The following EXOC4 variants were observed in gnomAD, a reference collection of about 807,000 sequenced individuals.
EXOC4 encodes exocyst complex component 4.
In EXOC4, 71 loss-of-function variants were observed where a neutral mutation model predicts 107.2. The ratio of observed to expected loss-of-function variants is 0.66; its 90% CI spans 0.55 to 0.81. EXOC4 has a LOEUF of 0.81. EXOC4 is among the 30% of genes least tolerant of loss of function. The pLI, the probability that EXOC4 is intolerant of heterozygous loss-of-function variation, is 0.00. For missense variants in EXOC4, 1,108 were observed against 1,189.6 expected (o/e 0.93, Z 1.01); for synonymous variants, 456 against 441.2 (o/e 1.03, Z -0.42).
rs188299886 is a variant in EXOC4, at chr7:133,315,361, G to A, written c.657-1923G>A. 705 of 152,334 alleles carry A rather than the reference G, an allele frequency of 4.6e-3. 14 individuals are homozygous for A. The highest frequency in any genetic ancestry group is 3.4e-3 in the Non-Finnish European group (233 of 68,064). 9.4% of individuals were successfully genotyped at this position (152,334 alleles called of 1,614,324 possible). A position where few individuals can be genotyped will look rare whatever the true frequency, so the allele number is the denominator to read the frequency against. Reference sequence around the variant, plus strand: ...GAACCAGGTGTTTGCCTCTCTTTTCGGTATTGTCGATGCTCTGGAAAGCAG... The same window carrying A: ...GAACCAGGTGTTTGCCTCTCTTTTCAGTATTGTCGATGCTCTGGAAAGCAG... On this transcript the variant is annotated intron_variant, in intron 4 of 17. Transcript: ENST00000253861.
intron 10 of EXOC4, among the ~76,000 whole-genome samples, chr7:133,812,232 C>G (rs1048752676): frequency 6.6e-6 from 1 of 152,188 alleles, no homozygotes. Context: ...ATTCTAAAAA[C>G]CGCAGCAGCA....
intron 13 of EXOC4, among the ~76,000 whole-genome samples, chr7:133,918,370 C>T (rs1799858704): frequency 6.6e-6 from 1 of 152,130 alleles, no homozygotes. Flanking sequence ...TGTTTGTAGC[C>T]CCCATATGGG....
At chr7:133,994,341 T>C (rs1204249446) in intron 14 of EXOC4, among the ~76,000 whole-genome samples, 1 of 152,112 alleles carries the variant, frequency 6.6e-6, no homozygotes, top group Non-Finnish European at 1.5e-5. Flanking sequence ...ATATGCACCA[T>C]GCCTATCGGG....
At chr7:133,411,498 G>T (rs1344532013) in intron 7 of EXOC4, among the ~76,000 whole-genome samples, 1 of 152,042 alleles carries the variant, frequency 6.6e-6, no homozygotes. Context: ...TAGAAATATT[G>T]TTAGTCATTT....
intron 3 of EXOC4, among the ~76,000 whole-genome samples, chr7:133,302,457 A>G (rs923155085): frequency 2.0e-5 from 3 of 152,226 alleles, no homozygotes; most frequent in Non-Finnish European, 2.9e-5. Context: ...GTCTATATAT[A>G]TGAAGAATTC....
chr7:133,640,006 T>G (rs1802813435), intron 10 of EXOC4, among the ~76,000 whole-genome samples: 1 of 152,180 alleles, frequency 6.6e-6, no homozygotes, highest in Admixed American at 6.5e-5. Context: ...TTTAAAAATC[T>G]TTTAAAATTT....
intron 7 of EXOC4, among the ~76,000 whole-genome samples, chr7:133,391,497 A>T (rs1195808917): frequency 6.6e-6 from 1 of 152,190 alleles, no homozygotes; most frequent in Non-Finnish European, 1.5e-5. Context: ...AGTGTAGGAC[A>T]CGTGCGTACT....
intron 9 of EXOC4, among the ~76,000 whole-genome samples, chr7:133,558,002 A>G (rs1800727426): frequency 1.3e-5 from 2 of 152,142 alleles, no homozygotes; most frequent in African/African-American, 2.4e-5. Context: ...AACAAAAACA[A>G]AAAACCCCAG....
intron 12 of EXOC4, among the ~76,000 whole-genome samples, chr7:133,897,476 A>G (rs1220680954): frequency 6.6e-6 from 1 of 152,174 alleles, no homozygotes; most frequent in African/African-American, 2.4e-5. Context: ...TTTAATTTAT[A>G]CAGATAGTCT....
intron 9 of EXOC4, among the ~76,000 whole-genome samples, chr7:133,503,558 A>G (rs1329161638): frequency 2.0e-5 from 3 of 152,140 alleles, no homozygotes; most frequent in Admixed American, 6.6e-5. Context: ...CTTGGGGAAA[A>G]AGGAAGAAAA....
chr7:134,048,961 A>AAC (rs71172424), intron 17 of EXOC4, among the ~76,000 whole-genome samples: 114,843 of 151,954 alleles, frequency 0.76, 44,621 homozygotes, highest in African/African-American at 0.93. Context: ...GTCTTTCTAA[A>AAC]ACAGTTGTCA....
intron 13 of EXOC4, among the ~76,000 whole-genome samples, chr7:133,921,698 C>T (rs56225573): frequency 0.12 from 17,731 of 151,992 alleles, 1,141 homozygotes; most frequent in Middle Eastern, 0.15. Context: ...TTTTCTGAGC[C>T]TCCCAGATCT....
intron 14 of EXOC4, among the ~76,000 whole-genome samples, chr7:133,966,529 G>A (rs928578466): frequency 7.2e-5 from 11 of 152,156 alleles, no homozygotes; most frequent in African/African-American, 2.7e-4. Context: ...AGAGTTTTTA[G>A]CATGAAGAGG....
chr7:133,410,070 C>G (rs941071725), intron 7 of EXOC4, among the ~76,000 whole-genome samples: 1 of 152,040 alleles, frequency 6.6e-6, no homozygotes, highest in Non-Finnish European at 1.5e-5. Flanking sequence ...ATATTTTACC[C>G]AGGCCTCCCT....
At chr7:133,861,679 G>A (rs1381310444) in intron 11 of EXOC4, among the ~76,000 whole-genome samples, 1 of 152,050 alleles carries the variant, frequency 6.6e-6, no homozygotes, top group African/African-American at 2.4e-5. Context: ...GGTTACAGGA[G>A]CCCGCCACCA....
intron 10 of EXOC4, among the ~76,000 whole-genome samples, chr7:133,749,539 C>T (rs907521610): frequency 3.9e-5 from 6 of 151,926 alleles, no homozygotes; most frequent in African/African-American, 1.2e-4. Flanking sequence ...ACTACAGGGG[C>T]GCACCACCAC....
intron 14 of EXOC4, among the ~76,000 whole-genome samples, chr7:133,950,047 A>G (rs369977514): frequency 5.3e-5 from 8 of 151,946 alleles, no homozygotes; most frequent in Non-Finnish European, 1.0e-4. Context: ...TGTATTCTCT[A>G]TCTCTTTGGA....
intron 17 of EXOC4, among the ~76,000 whole-genome samples, chr7:134,054,538 C>G (rs1373820166): frequency 6.6e-6 from 1 of 152,088 alleles, no homozygotes; most frequent in Non-Finnish European, 1.5e-5. Context: ...CCCCTTTCAC[C>G]ACTCTGTATC....
At chr7:133,582,109 A>G (rs1801292028) in intron 9 of EXOC4, among the ~76,000 whole-genome samples, 1 of 152,100 alleles carries the variant, frequency 6.6e-6, no homozygotes, top group South Asian at 2.1e-4. Context: ...ACAGAGTCAA[A>G]CCATAGTACC....
Sources: allele counts gnomAD v4.1 joint callset (sites outside exome capture counted in the v4.1 genomes callset), GRCh38; gene constraint gnomAD v4.1.1; transcripts MANE v1.5; gene names NCBI Gene and HGNC (gene_info 2026-07-23, HGNC 2026-07-21).